NR6A1: variants seen among roughly 807,000 people sequenced by gnomAD.
NR6A1 encodes nuclear receptor subfamily 6 group A member 1.
Under a neutral mutation model 59.1 loss-of-function variants are expected in NR6A1, and 7 were observed. The ratio of observed to expected loss-of-function variants is 0.12; its 90% CI spans 0.07 to 0.22. The LOEUF (loss-of-function observed/expected upper bound fraction) is 0.22, where lower values mean the gene tolerates loss of function less well. Ranked by LOEUF, NR6A1 falls within the 10% of genes least tolerant of loss-of-function variation. The probability of loss-of-function intolerance (pLI) is 1.00; values close to 1 mark genes in which losing one functional copy is unlikely to be tolerated. For synonymous variants in NR6A1, 243 were observed against 236.1 expected (o/e 1.03, Z -0.27); for missense variants, 468 against 611.6 (o/e 0.77, Z 2.48).
intron 2 of NR6A1, among the ~76,000 whole-genome samples, chr9:124,566,882 G>A (rs1834259015): frequency 6.6e-6 from 1 of 152,226 alleles, no homozygotes; most frequent in Non-Finnish European, 1.5e-5. Context: ...GCCAAGGCGG[G>A]CGGATCACGA....
intron 2 of NR6A1, among the ~76,000 whole-genome samples, chr9:124,577,126 C>T (rs1228125171): frequency 2.6e-5 from 4 of 152,066 alleles, no homozygotes; most frequent in Non-Finnish European, 4.4e-5. Flanking sequence ...AGCCAGGGGC[C>T]GTAGTTCTTT....
At position 124,580,163 on chromosome 9, in the gene NR6A1, T is replaced by C. The variant is rs754685483; in HGVS notation, c.143-25593A>G. ...ACTTCTATTTATAATCATCCCAAAC[T>C]GTAAATAACCAAATATCCTTCAATG... On this transcript the variant is annotated intron_variant, in intron 2 of 9. Transcript: ENST00000487099. Among the ~76,000 whole-genome samples the C allele has an allele frequency of 2.6e-5, 4 of 152,350 alleles. No individual in the cohort carries two copies. The South Asian group carries it at 6.2e-4, about 24-fold the overall frequency.
At chr9:124,633,790 A>T (rs1260796876) in intron 2 of NR6A1, among the ~76,000 whole-genome samples, 1 of 152,238 alleles carries the variant, frequency 6.6e-6, no homozygotes, top group Admixed American at 6.5e-5. Flanking sequence ...GATTAAAGAA[A>T]CTGCACGCAT....
At chr9:124,677,535 T>A (rs1838000974) in intron 2 of NR6A1, among the ~76,000 whole-genome samples, 1 of 152,030 alleles carries the variant, frequency 6.6e-6, no homozygotes, top group African/African-American at 2.4e-5. Flanking sequence ...AGTGCTAGGA[T>A]TACAAGCATG....
chr9:124,593,682 C>G (rs1835192193), intron 2 of NR6A1, among the ~76,000 whole-genome samples: 1 of 152,188 alleles, frequency 6.6e-6, no homozygotes, highest in African/African-American at 2.4e-5. Context: ...CTAATTTTCA[C>G]AGAGAATTCA....
chr9:124,547,758 G>C (rs557379871), intron 3 of NR6A1, among the ~76,000 whole-genome samples: 64 of 152,198 alleles, frequency 4.2e-4, no homozygotes, highest in African/African-American at 1.5e-3. Flanking sequence ...CAAAATACAT[G>C]ACCTATTTGC....
intron 1 of NR6A1, among the ~76,000 whole-genome samples, chr9:124,761,260 T>C (rs1293828950): frequency 1.3e-5 from 2 of 152,152 alleles, no homozygotes; most frequent in African/African-American, 4.8e-5. Context: ...AAAGGTACAT[T>C]ACATGAAACT....
chr9:124,654,536 T>C (rs1214967205), intron 2 of NR6A1, among the ~76,000 whole-genome samples: 3 of 152,158 alleles, frequency 2.0e-5, no homozygotes, highest in Non-Finnish European at 2.9e-5. Flanking sequence ...CTTGCATTTC[T>C]TGTTGCCACT....
chr9:124,750,061 G>A (rs943047532), intron 1 of NR6A1, among the ~76,000 whole-genome samples: 4 of 152,170 alleles, frequency 2.6e-5, no homozygotes, highest in Admixed American at 1.3e-4. Context: ...TGAGAAGAAC[G>A]TATTTGTAAG....
intron 2 of NR6A1, among the ~76,000 whole-genome samples, chr9:124,588,282 T>C (rs1340121087): frequency 1.3e-5 from 2 of 151,980 alleles, no homozygotes; most frequent in Non-Finnish European, 2.9e-5. Flanking sequence ...TGAGAGAAAA[T>C]TAATTTCTAC....
chr9:124,711,790 C>T (rs1046378886), intron 2 of NR6A1, among the ~76,000 whole-genome samples: 2 of 152,154 alleles, frequency 1.3e-5, no homozygotes, highest in South Asian at 4.1e-4. Flanking sequence ...GAAATGAATT[C>T]CCATGTGTCT....
At chr9:124,758,084 G>A (rs1840685301) in intron 1 of NR6A1, among the ~76,000 whole-genome samples, 1 of 152,202 alleles carries the variant, frequency 6.6e-6, no homozygotes, top group Admixed American at 6.5e-5. Context: ...GGGAACCAAA[G>A]TATCTCTCAG....
At chr9:124,720,049 G>A (rs1232126254) in intron 2 of NR6A1, among the ~76,000 whole-genome samples, 2 of 151,988 alleles carry the variant, frequency 1.3e-5, no homozygotes, top group Admixed American at 6.6e-5. Context: ...ACTCTTGAAC[G>A]TTTTTGGGTT....
intron 2 of NR6A1, among the ~76,000 whole-genome samples, chr9:124,673,342 G>GT (rs1296142102): frequency 6.6e-6 from 1 of 152,106 alleles, no homozygotes; most frequent in Non-Finnish European, 1.5e-5. Flanking sequence ...TGAAGACTCA[G>GT]TGAGACATAT....
chr9:124,640,071 A>C (rs1836727849), intron 2 of NR6A1, among the ~76,000 whole-genome samples: 1 of 152,238 alleles, frequency 6.6e-6, no homozygotes, highest in African/African-American at 2.4e-5. Context: ...ATTTGAGAAA[A>C]AACATATGGA....
chr9:124,553,549 C>CTTTTTTTTTTATT (rs1833840485), intron 3 of NR6A1, among the ~76,000 whole-genome samples: 1 of 47,322 alleles, frequency 2.1e-5, no homozygotes, highest in Non-Finnish European at 4.0e-5. Flanking sequence ...TTTAGCTTGA[C>CTTTTTTTTTTATT]TTTTTTTTTT....
At chr9:124,770,463 G>A (rs1414128531) in intron 1 of NR6A1, among the ~76,000 whole-genome samples, 4 of 151,736 alleles carry the variant, frequency 2.6e-5, no homozygotes, top group African/African-American at 9.7e-5. Flanking sequence ...AGAAAGCTGA[G>A]CGGTACAAGG....
chr9:124,581,283 T>C (rs1403162745), intron 2 of NR6A1, among the ~76,000 whole-genome samples: 1 of 152,100 alleles, frequency 6.6e-6, no homozygotes, highest in African/African-American at 2.4e-5. Context: ...ACTAAAGAGC[T>C]TCTGCACAGC....
chr9:124,738,926 C>T (rs1290284679), intron 1 of NR6A1, among the ~76,000 whole-genome samples: 7 of 151,270 alleles, frequency 4.6e-5, no homozygotes, highest in African/African-American at 1.2e-4. Context: ...CATTTGAACC[C>T]GGGAGGCGGA....
Sources: allele counts gnomAD v4.1 joint callset (sites outside exome capture counted in the v4.1 genomes callset), GRCh38; gene constraint gnomAD v4.1.1; transcripts MANE v1.5; gene names NCBI Gene and HGNC (gene_info 2026-07-23, HGNC 2026-07-21).